Variants in ADK observed in about 807,000 individuals in gnomAD.
ADK encodes N6,N6-dimethyladenosine kinase.
Under a neutral mutation model 44.7 loss-of-function variants are expected in ADK, and 24 were observed. The observed-to-expected ratio is 0.54, with a 90% CI of 0.39 to 0.76. The LOEUF is 0.76. Ranked by LOEUF, ADK falls within the 30% of genes least tolerant of loss-of-function variation. The pLI, the probability that ADK is intolerant of heterozygous loss-of-function variation, is 0.00. For synonymous variants in ADK, 128 were observed against 142.6 expected (o/e 0.90, Z 0.73); for missense variants, 321 against 425.1 (o/e 0.76, Z 2.15).
rs1275485186 is a variant in ADK, at chr10:74,205,070, T to TAAAA, written c.140+4232_140+4233insAAAA. Among the ~76,000 whole-genome samples the TAAAA allele has an allele frequency of 1.5e-3, 157 of 107,670 alleles. 2 individuals are homozygous for TAAAA. The highest frequency in any genetic ancestry group is 5.9e-3 in the African/African-American group (155 of 26,280). The allele number at this position is 107,670 out of a possible 152,430, so 70.6% of individuals were successfully genotyped here. A position where few individuals can be genotyped will look rare whatever the true frequency, so the allele number is the denominator to read the frequency against. Reference sequence around the variant, plus strand: ...AAAAAAAAAAAAAAAAAAAAAAAAATTAAACCAAGCCAAACCACACCAAAA... The same window carrying TAAAA: ...AAAAAAAAAAAAAAAAAAAAAAAAATAAAATAAACCAAGCCAAACCACACCAAAA... On this transcript the variant is annotated intron_variant, in intron 2 of 10. Transcript: ENST00000539909.
chr10:74,154,027 G>C (rs1841685633), intron 1 of ADK, among the ~76,000 whole-genome samples: 1 of 152,172 alleles, frequency 6.6e-6, no homozygotes, highest in South Asian at 2.1e-4. Context: ...TGACACCTGA[G>C]TATTCTTAAA....
chr10:74,617,478 T>G (rs937357038), intron 9 of ADK, among the ~76,000 whole-genome samples: 2 of 152,246 alleles, frequency 1.3e-5, no homozygotes, highest in Non-Finnish European at 2.9e-5. Context: ...CTTTTTTCTT[T>G]TAATGTGTGA....
chr10:74,346,184 G>T (rs949892292), intron 4 of ADK, among the ~76,000 whole-genome samples: 1 of 152,056 alleles, frequency 6.6e-6, no homozygotes, highest in Non-Finnish European at 1.5e-5. Flanking sequence ...GAGCCACTGC[G>T]CCTGGCCAAA....
chr10:74,386,410 A>G (rs1036183409), intron 4 of ADK, among the ~76,000 whole-genome samples: 5 of 152,222 alleles, frequency 3.3e-5, no homozygotes, highest in Non-Finnish European at 7.3e-5. Context: ...ATATTGTCCT[A>G]AATATTGCAT....
intron 6 of ADK, among the ~76,000 whole-genome samples, chr10:74,488,868 GA>G (rs1412863929): frequency 6.6e-6 from 1 of 151,706 alleles, no homozygotes; most frequent in Non-Finnish European, 1.5e-5. Flanking sequence ...TTCCAACCCT[GA>G]TCCCACAACT....
At chr10:74,470,588 C>CGTTTTTTT (rs1288257945) in intron 6 of ADK, among the ~76,000 whole-genome samples, 1 of 21,628 alleles carries the variant, frequency 4.6e-5, no homozygotes, top group Non-Finnish European at 1.8e-4. Context: ...CATTCTGTAT[C>CGTTTTTTT]TTCTTTGAAA....
At chr10:74,305,925 A>T (rs1300436258) in intron 3 of ADK, among the ~76,000 whole-genome samples, 3 of 151,988 alleles carry the variant, frequency 2.0e-5, no homozygotes, top group Non-Finnish European at 2.9e-5. Flanking sequence ...GGGTCTCACT[A>T]TGTTGCCCAG....
At chr10:74,613,802 G>T (rs970929320) in intron 9 of ADK, among the ~76,000 whole-genome samples, 1 of 152,122 alleles carries the variant, frequency 6.6e-6, no homozygotes, top group African/African-American at 2.4e-5. Context: ...GTCAGCACAT[G>T]ATCCCAACTC....
At chr10:74,584,602 A>C in intron 7 of ADK, among the ~76,000 whole-genome samples, 1 of 151,900 alleles carries the variant, frequency 6.6e-6, no homozygotes, top group South Asian at 2.1e-4. Flanking sequence ...AAAGACAGAC[A>C]CCCCCCTGTC....
At chr10:74,619,441 C>T (rs539639327) in intron 9 of ADK, among the ~76,000 whole-genome samples, 26 of 149,902 alleles carry the variant, frequency 1.7e-4, no homozygotes, top group Non-Finnish European at 3.1e-4. Flanking sequence ...GGAGACAGAG[C>T]AAGTCTCTGT....
intron 9 of ADK, among the ~76,000 whole-genome samples, chr10:74,607,811 T>TGGTTTTTAGA (rs1229086959): frequency 1.3e-5 from 2 of 152,144 alleles, no homozygotes; most frequent in Non-Finnish European, 1.5e-5. Context: ...TCTTGGATAA[T>TGGTTTTTAGA]ATTCTGAAGA....
intron 7 of ADK, among the ~76,000 whole-genome samples, chr10:74,563,689 T>TACAC: frequency 6.6e-6 from 1 of 152,190 alleles, no homozygotes; most frequent in African/African-American, 2.4e-5. Flanking sequence ...TAAATGCATG[T>TACAC]ATACATATGT....
At chr10:74,527,604 CG>C in intron 7 of ADK, 1 of 775,932 alleles carries the variant, frequency 1.3e-6, no homozygotes, top group East Asian at 2.4e-5. Flanking sequence ...CTGCCTTTGC[CG>C]GTGCAGTGAG....
intron 7 of ADK, among the ~76,000 whole-genome samples, chr10:74,526,837 C>A (rs931371745): frequency 6.6e-6 from 1 of 152,152 alleles, no homozygotes; most frequent in African/African-American, 2.4e-5. Context: ...TTAGTTTTTC[C>A]TTATTAACAG....
intron 6 of ADK, among the ~76,000 whole-genome samples, chr10:74,518,597 G>A (rs1380173720): frequency 6.6e-6 from 1 of 152,146 alleles, no homozygotes; most frequent in African/African-American, 2.4e-5. Flanking sequence ...TTAAATTGGG[G>A]TGAAAACTTA....
intron 10 of ADK, among the ~76,000 whole-genome samples, chr10:74,687,136 G>A (rs1459444345): frequency 2.0e-5 from 3 of 151,912 alleles, no homozygotes; most frequent in Non-Finnish European, 2.9e-5. Flanking sequence ...TATTATAAGA[G>A]GGGTCTCAAA....
chr10:74,335,253 AT>A (rs1564659787), intron 4 of ADK, among the ~76,000 whole-genome samples: 1 of 151,868 alleles, frequency 6.6e-6, no homozygotes, highest in African/African-American at 2.4e-5. Context: ...ATTTTATTTT[AT>A]TTTATTTATT....
At chr10:74,176,855 G>T in intron 1 of ADK, 1 of 1,608,314 alleles carries the variant, frequency 6.2e-7, no homozygotes. Flanking sequence ...CCGTGGCGCT[G>T]GGCAGGAGGG....
rs563345271 is a variant in ADK at position 74,313,716 on chromosome 10, T to C, written c.195-951T>C. On this transcript the variant is annotated intron_variant, in intron 3 of 10. Coordinates refer to ENST00000539909, the MANE Select transcript of ADK (RefSeq NM_006721.4). Reference sequence around the variant, plus strand: ...ATATTTATGTTTCACCTTTTTTTTTTCCAACATTTCTCTCTTACTCTTCAT... The same window carrying C: ...ATATTTATGTTTCACCTTTTTTTTTCCCAACATTTCTCTCTTACTCTTCAT... Among the ~76,000 whole-genome samples the C allele has an allele frequency of 8.7e-4, 132 of 152,034 alleles. 1 individual carries two copies. Among genetic ancestry groups the C allele is most frequent in the Non-Finnish European group, 1.5e-3 (99 of 67,886 alleles).
Sources: allele counts gnomAD v4.1 joint callset (sites outside exome capture counted in the v4.1 genomes callset), GRCh38; gene constraint gnomAD v4.1.1; transcripts MANE v1.5; gene names NCBI Gene and HGNC (gene_info 2026-07-23, HGNC 2026-07-21).